The following N4BP2 variants were observed in gnomAD, a reference collection of about 807,000 sequenced individuals.
N4BP2 encodes the protein NEDD4 binding protein 2, also known as NEDD4-binding protein 2.
Under a neutral mutation model 152.8 loss-of-function variants are expected in N4BP2, and 91 were observed. The observed-to-expected ratio is 0.60, with a 90% CI of 0.50 to 0.71. N4BP2 has a LOEUF of 0.71. N4BP2 is among the 30% of genes least tolerant of loss of function. The pLI, the probability that N4BP2 is intolerant of heterozygous loss-of-function variation, is 0.00. For missense variants in N4BP2, 1,923 were observed against 2,059.1 expected (o/e 0.93, Z 1.28); for synonymous variants, 646 against 705.3 (o/e 0.92, Z 1.33).
chr4:40,119,242 C>T (rs961265796), intron 8 of N4BP2, among the ~76,000 whole-genome samples: 38 of 152,108 alleles, frequency 2.5e-4, no homozygotes, highest in African/African-American at 8.2e-4. Context: ...GAAAACTCAG[C>T]GTTAGGTATG....
chr4:40,066,096 A>G (rs1335655236), intron 1 of N4BP2, among the ~76,000 whole-genome samples: 3 of 151,388 alleles, frequency 2.0e-5, no homozygotes, highest in Non-Finnish European at 4.4e-5. Flanking sequence ...ACACCCAGCT[A>G]ATTTTTGTAT....
chr4:40,156,169 T>A lies in N4BP2; in HGVS notation c.*1932T>A, dbSNP rs1721582991. 6.6e-6 allele frequency: 1 copy of A among 152,096 alleles called. No homozygotes were observed. Among genetic ancestry groups the A allele is most frequent in the African/African-American group, 2.4e-5 (1 of 41,416 alleles). 9.4% of individuals were successfully genotyped at this position (152,096 alleles called of 1,614,324 possible). ...TGAAAAACAGTGCTAAAATGTGGAGTTAATTGGAATGTGTGCAGCTGCATA... is the reference window on the plus strand; with the variant it reads ...TGAAAAACAGTGCTAAAATGTGGAGATAATTGGAATGTGTGCAGCTGCATA... On this transcript the variant is annotated 3_prime_UTR_variant, in exon 18 of 18. Coordinates refer to ENST00000261435, the MANE Select transcript of N4BP2 (RefSeq NM_018177.6).
chr4:40,151,629 G>A (rs1194829628), intron 16 of N4BP2, among the ~76,000 whole-genome samples: 1 of 152,050 alleles, frequency 6.6e-6, no homozygotes, highest in Non-Finnish European at 1.5e-5. Context: ...CAAAATTATA[G>A]GTATATAGTG....
In N4BP2 at chr4:40,096,076, G is replaced by T. The variant is rs146779982; in HGVS notation, c.-114-1151G>T. ...AGACATTTAGTTTTGGATATGTTAAGTTTGAAATGTTTATTAGATATATTC... is the reference window on the plus strand; with the variant it reads ...AGACATTTAGTTTTGGATATGTTAATTTTGAAATGTTTATTAGATATATTC... On this transcript the variant is annotated intron_variant, in intron 2 of 17. Transcript: ENST00000261435. Among the ~76,000 whole-genome samples, 30 of 152,238 alleles carry T rather than the reference G, an allele frequency of 2.0e-4. No individual in the cohort carries two copies. In the East Asian group the frequency reaches 4.3e-3, roughly 22 times the overall value.
chr4:40,185,591 G>C, the N4BP2 span, among the ~76,000 whole-genome samples: 1 of 151,832 alleles, frequency 6.6e-6, no homozygotes, highest in Non-Finnish European at 1.5e-5. Flanking sequence ...AAACATTTGA[G>C]AACTTAAACT....
the N4BP2 span, among the ~76,000 whole-genome samples, chr4:40,182,358 T>G: frequency 6.6e-6 from 1 of 152,204 alleles, no homozygotes; most frequent in Non-Finnish European, 1.5e-5. Flanking sequence ...GAAGTTTCCT[T>G]TTGTCCTGTA....
chr4:40,182,562 C>T, the N4BP2 span, among the ~76,000 whole-genome samples: 1 of 151,708 alleles, frequency 6.6e-6, no homozygotes, highest in African/African-American at 2.4e-5. Flanking sequence ...GCGATCCTCC[C>T]ACCTCAGTGC....
At chr4:40,111,461 C>G (rs570006388) in intron 5 of N4BP2, among the ~76,000 whole-genome samples, 54 of 152,208 alleles carry the variant, frequency 3.5e-4, no homozygotes, top group Non-Finnish European at 6.3e-4. Context: ...GTTGGGACTA[C>G]AGGTGCGTGC....
intron 2 of N4BP2, among the ~76,000 whole-genome samples, chr4:40,079,119 AC>A (rs1342455929): frequency 6.6e-6 from 1 of 151,682 alleles, no homozygotes; most frequent in Non-Finnish European, 1.5e-5. Flanking sequence ...ATGGGGTTTT[AC>A]CGTGCTGGCC....
At chr4:40,146,203 T>C (rs1414560638) in intron 16 of N4BP2, among the ~76,000 whole-genome samples, 1 of 151,960 alleles carries the variant, frequency 6.6e-6, no homozygotes, top group Admixed American at 6.6e-5. Context: ...TAAAATAAAA[T>C]AAGAAAATAC....
intron 15 of N4BP2, among the ~76,000 whole-genome samples, chr4:40,143,288 A>G (rs1338171253): frequency 1.3e-5 from 2 of 152,122 alleles, no homozygotes; most frequent in East Asian, 1.9e-4. Context: ...CTCATTTAAC[A>G]TGATATTATA....
intron 1 of N4BP2, among the ~76,000 whole-genome samples, chr4:40,062,397 A>C (rs1040618276): frequency 6.6e-6 from 1 of 151,872 alleles, no homozygotes; most frequent in East Asian, 1.9e-4. Context: ...GGTTAGTATC[A>C]TGTCTCACCT....
chr4:40,110,884 T>G (rs1716813582), intron 5 of N4BP2, among the ~76,000 whole-genome samples: 1 of 152,158 alleles, frequency 6.6e-6, no homozygotes, highest in African/African-American at 2.4e-5. Context: ...CATTAGTGAG[T>G]TGTTAGAGAC....
intron 16 of N4BP2, among the ~76,000 whole-genome samples, chr4:40,146,918 T>A (rs932956750): frequency 3.3e-5 from 5 of 151,452 alleles, no homozygotes; most frequent in Non-Finnish European, 5.9e-5. Context: ...ATTTTTATTT[T>A]TTTATTTTTT....
chr4:40,107,068 C>A (rs1037640031), intron 5 of N4BP2, 44 bp downstream of exon 5: 2 of 1,585,750 alleles, frequency 1.3e-6, no homozygotes, highest in Non-Finnish European at 8.6e-7. Context: ...ATGAGTAATA[C>A]AAAGAAAAAA....
In N4BP2 at chr4:40,117,918, C is replaced by T; in HGVS notation, c.1714C>T (p.His572Tyr). 1 of 1,612,418 alleles carries T rather than the reference C, an allele frequency of 6.2e-7. No individual in the cohort carries two copies. Among genetic ancestry groups the T allele is most frequent in the Non-Finnish European group, 8.5e-7 (1 of 1,179,290 alleles). Residue 572 changes from histidine to tyrosine, a missense_variant, in exon 8 of 18, where the codon CAT becomes TAT. Coordinates refer to ENST00000261435, the MANE Select transcript of N4BP2 (RefSeq NM_018177.6). ...SKEKITRMLE[H>Y]YQRFVSVPII... Reference sequence around the variant, plus strand: ...AGAAAAAATAACAAGAATGTTGGAACATTATCAACGTTTTGTTTCAGTGCC... The same window carrying T: ...AGAAAAAATAACAAGAATGTTGGAATATTATCAACGTTTTGTTTCAGTGCC...
At chr4:40,085,507 A>G (rs1713853923) in intron 2 of N4BP2, among the ~76,000 whole-genome samples, 1 of 152,168 alleles carries the variant, frequency 6.6e-6, no homozygotes, top group African/African-American at 2.4e-5. Flanking sequence ...CTGAGGCTGG[A>G]GTGCAGTGGC....
intron 12 of N4BP2, among the ~76,000 whole-genome samples, chr4:40,126,592 A>C (rs1718432202): frequency 6.6e-6 from 1 of 151,964 alleles, no homozygotes; most frequent in African/African-American, 2.4e-5. Flanking sequence ...ATTGAGCTGC[A>C]TCTTTCTTTT....
Position 40,138,008 on chromosome 4 carries a change from G to C in N4BP2, c.4785+926G>C, listed in dbSNP as rs201518664. On this transcript the variant is annotated intron_variant, in intron 14 of 17. Coordinates refer to ENST00000261435, the MANE Select transcript of N4BP2 (RefSeq NM_018177.6). ...CCAGACAGGTGTTTGTTATCTCTAGGAATTAGCTAAACCTGAGGGGGTTGT... is the reference window on the plus strand; with the variant it reads ...CCAGACAGGTGTTTGTTATCTCTAGCAATTAGCTAAACCTGAGGGGGTTGT... Among the ~76,000 whole-genome samples the C allele has an allele frequency of 9.8e-5, 15 of 152,296 alleles. No homozygotes were observed. In the East Asian group the frequency reaches 1.2e-3, roughly 12 times the overall value.
Sources: gnomAD v4.1 joint callset for allele counts (sites outside exome capture counted in the v4.1 genomes callset) on GRCh38, gnomAD v4.1.1 for gene constraint, MANE v1.5 for transcripts, NCBI Gene and HGNC (gene_info 2026-07-23, HGNC 2026-07-21) for gene names.